IAH1: variants seen among roughly 807,000 people sequenced by gnomAD.
The protein encoded by IAH1 is isoamyl acetate hydrolyzing esterase 1 (putative).
A neutral mutation model predicts 26.7 loss-of-function variants in IAH1; 24 were observed. The observed-to-expected ratio is 0.90, with a 90% CI of 0.65 to 1.26. The LOEUF (loss-of-function observed/expected upper bound fraction) is 1.26. Ranked by LOEUF, IAH1 falls within the 50% of genes most tolerant of loss-of-function variation. IAH1 has a pLI of 0.00. For synonymous variants in IAH1, 140 were observed against 118.5 expected (o/e 1.18, Z -1.18); for missense variants, 300 against 299.9 (o/e 1.00, Z 0.00).
At chr2:9,484,844 G>T in intron 5 of IAH1, 1 of 300,452 alleles carries the variant, frequency 3.3e-6, no homozygotes, top group Non-Finnish European at 6.1e-6. Flanking sequence ...CTTTCATACA[G>T]AGAATGGCAG....
chr2:9,476,105 A>C, intron 2 of IAH1, 66 bp downstream of exon 2: 2 of 1,359,988 alleles, frequency 1.5e-6, no homozygotes, highest in Non-Finnish European at 2.1e-6. Flanking sequence ...CGTCTTATGG[A>C]TGAAGGATAG....
chr2:9,488,154 C>A lies in IAH1; in HGVS notation c.572C>A (p.Ser191Ter), dbSNP rs1447798633. The A allele has an allele frequency of 6.2e-7, 1 of 1,604,082 alleles. No individual in the cohort carries two copies. Among genetic ancestry groups the A allele is most frequent in the Non-Finnish European group, 8.5e-7 (1 of 1,176,418 alleles). ...GATTTCTCTCCCTTCTAGGACTTCT[C>A]ATCTTATTTATCAGATGGACTACAT... Reference protein sequence around the residue: ...WTLMQDSQDFSSYLSDGLHLS... With the variant: ...WTLMQDSQDF The change falls in exon 6 of 6, where the codon TCA becomes TAA. Residue 191 changes from serine (S) to a stop codon, truncating the protein, a stop_gained. Transcript: ENST00000497473. LOFTEE classifies it low-confidence loss of function (END_TRUNC).
chr2:9,494,333 G>C (rs1662390642), downstream of IAH1, among the ~76,000 whole-genome samples: 1 of 152,146 alleles, frequency 6.6e-6, no homozygotes, highest in Admixed American at 6.5e-5. Context: ...AGTCAGTTCT[G>C]TAAGTAATCT....
At chr2:9,492,657 T>C (rs757417107), downstream of IAH1, among the ~76,000 whole-genome samples, 3 of 152,228 alleles carry the variant, frequency 2.0e-5, no homozygotes, top group Non-Finnish European at 2.9e-5. Context: ...CTTAAAAGTA[T>C]AAAATTCCTA....
In IAH1 at chr2:9,474,573, C is replaced by G. The variant is rs555016658; in HGVS notation, c.7C>G (p.Leu3Val). Residue 3 changes from leucine (L) to valine (V), a missense_variant, in exon 1 of 6, where the codon CTG (leucine) becomes GTG (valine). Coordinates refer to ENST00000497473, the MANE Select transcript of IAH1 (RefSeq NM_001039613.3). This position sits in a 1 kb window ranked among gnomAD's most constrained non-coding sequence, Gnocchi z 4.3. ...CGCCCCGCCCGGCTGCTCCATGGCG[C>G]TGTGCGAGGCCGCGGGCTGCGGGAG... MA[L>V]CEAAGCGSAL... The G allele has an allele frequency of 4.0e-6, 6 of 1,502,968 alleles. No individual in the cohort carries two copies. Among genetic ancestry groups the G allele is most frequent in the Non-Finnish European group, 5.3e-6 (6 of 1,125,226 alleles). The allele number at this position is 1,502,968 out of a possible 1,614,324, so 93.1% of individuals were successfully genotyped here. A position where few individuals can be genotyped will look rare whatever the true frequency, so the allele number is the denominator to read the frequency against.
chr2:9,491,222 G>A, downstream of IAH1: 1 of 1,396,238 alleles, frequency 7.2e-7, no homozygotes, highest in Non-Finnish European at 1.0e-6. Context: ...TTCATCACAG[G>A]CTATTCCTAA....
At chr2:9,475,825 G>A (rs1175541978) in intron 1 of IAH1, 162 bp from the exon 2 acceptor site, 2 of 635,930 alleles carry the variant, frequency 3.1e-6, no homozygotes, top group Non-Finnish European at 5.7e-6. Context: ...CTAAAGTGCT[G>A]CCAGGTGTAC....
chr2:9,495,304 C>G (rs542212933), intron 6 of IAH1, among the ~76,000 whole-genome samples: 1 of 152,312 alleles, frequency 6.6e-6, no homozygotes, highest in East Asian at 1.9e-4. Context: ...GATAAAACAC[C>G]GGGCATCTGT....
At chr2:9,508,890 T>A in the IAH1 span, among the ~76,000 whole-genome samples, 2 of 151,886 alleles carry the variant, frequency 1.3e-5, no homozygotes, top group Non-Finnish European at 2.9e-5. Context: ...GCACAAGTTG[T>A]CAAGCAGAGG....
rs990810645 is a variant in IAH1, at chr2:9,475,895, G to A, written c.82-92G>A. 7.6e-6 allele frequency: 8 copies of A among 1,057,676 alleles called. No homozygotes were observed. The African/African-American group carries it at 7.9e-5, about 10-fold the overall frequency. 65.5% of individuals were successfully genotyped at this position (1,057,676 alleles called of 1,614,324 possible). ...AAGCAATCAAAGCCAAGAAGGGAGC[G>A]CCGAGAAAACAGAAGTTGCCAATCA... On this transcript the variant is annotated intron_variant, in intron 1 of 5. Coordinates refer to ENST00000497473, the MANE Select transcript of IAH1 (RefSeq NM_001039613.3).
At chr2:9,480,574 A>G (rs568345734) in intron 3 of IAH1, among the ~76,000 whole-genome samples, 2 of 152,298 alleles carry the variant, frequency 1.3e-5, no homozygotes, top group South Asian at 4.1e-4. Context: ...CATTTTTTTA[A>G]AAGTGTATGT....
chr2:9,475,046 G>A (rs906651043), intron 1 of IAH1: 9 of 1,161,318 alleles, frequency 7.7e-6, no homozygotes, highest in African/African-American at 1.6e-5. Context: ...CCCGCGGCCA[G>A]CTCCGGGCAG....
rs1661743034 is a variant in IAH1, at chr2:9,488,259, T to G, written c.677T>G (p.Leu226Arg). The change falls in exon 6 of 6, where the codon CTG becomes CGG. Residue 226 changes from leucine (L) to arginine (R), a missense_variant. Coordinates refer to ENST00000497473, the MANE Select transcript of IAH1 (RefSeq NM_001039613.3). ...IEKKVSSLPL[L>R]LPYWRDVAEA... is the part of the protein sequence containing the mutation. ...AAAAAGGTCTCTTCTCTACCTTTGC[T>G]GCTTCCTTACTGGCGGGATGTAGCA... 2 of 1,613,640 alleles carry G rather than the reference T, an allele frequency of 1.2e-6. No homozygotes were observed. The highest frequency in any genetic ancestry group is 1.7e-6 in the Non-Finnish European group (2 of 1,179,978).
At chr2:9,484,394 G>GT in intron 4 of IAH1, 38 bp from the exon 5 acceptor site, 1 of 1,501,404 alleles carries the variant, frequency 6.7e-7, no homozygotes, top group Non-Finnish European at 9.3e-7. Context: ...CAGCACTTGG[G>GT]TTTACCAACT....
the IAH1 span, among the ~76,000 whole-genome samples, chr2:9,508,514 A>G: frequency 3.9e-5 from 6 of 152,240 alleles, no homozygotes; most frequent in Admixed American, 6.5e-5. Context: ...TGTTGAAACC[A>G]TTGCTATAAG....
chr2:9,505,062 C>T, the IAH1 span: 8 of 1,256,022 alleles, frequency 6.4e-6, no homozygotes, highest in South Asian at 1.3e-5. Context: ...AACACACTCA[C>T]ACCCCTTTCA....
chr2:9,474,552 C>T lies in IAH1; in HGVS notation c.-15C>T. On this transcript the variant is annotated 5_prime_UTR_variant, in exon 1 of 6. Coordinates refer to ENST00000497473, the MANE Select transcript of IAH1 (RefSeq NM_001039613.3). This position sits in a 1 kb window ranked among gnomAD's most constrained non-coding sequence, Gnocchi z 4.3. ...TCGTGGCTGGCGGCCCCGCCCCGCC[C>T]CGCCCGGCTGCTCCATGGCGCTGTG... 4 of 1,462,232 alleles carry T rather than the reference C, an allele frequency of 2.7e-6. No individual in the cohort carries two copies. The highest frequency in any genetic ancestry group is 1.3e-5 in the South Asian group (1 of 76,102). The allele number at this position is 1,462,232 out of a possible 1,614,324, so 90.6% of individuals were successfully genotyped here.
chr2:9,501,533 T>C (rs541613971), downstream of IAH1, among the ~76,000 whole-genome samples: 2 of 152,312 alleles, frequency 1.3e-5, no homozygotes, highest in South Asian at 4.1e-4. Context: ...AGCTACCACT[T>C]GGTGACTTGT....
At chr2:9,509,416 T>C in the IAH1 span, among the ~76,000 whole-genome samples, 1 of 152,286 alleles carries the variant, frequency 6.6e-6, no homozygotes, top group African/African-American at 2.4e-5. Context: ...AAACCCCCAA[T>C]AGTAAATGAT....
Sources: allele counts gnomAD v4.1 joint callset (sites outside exome capture counted in the v4.1 genomes callset), GRCh38; gene constraint gnomAD v4.1.1; non-coding constraint Gnocchi (gnomAD v3.1); transcripts MANE v1.5; gene names NCBI Gene and HGNC (gene_info 2026-07-23, HGNC 2026-07-21).